The following ZDHHC14 variants were observed in gnomAD, a reference collection of about 807,000 sequenced individuals.
ZDHHC14 encodes the protein zDHHC palmitoyltransferase 14, also known as palmitoyltransferase ZDHHC14.
ZDHHC14 carries 16 observed loss-of-function variants against 47.7 expected under a neutral mutation model. The ratio of observed to expected loss-of-function variants is 0.34; its 90% CI spans 0.23 to 0.51. ZDHHC14 has a LOEUF of 0.51. ZDHHC14 is among the 20% of genes least tolerant of loss of function. ZDHHC14 has a pLI of 0.97. For synonymous variants in ZDHHC14, 293 were observed against 278.9 expected (o/e 1.05, Z -0.50); for missense variants, 515 against 662.5 (o/e 0.78, Z 2.44).
At chr6:157,573,965 G>GA (rs1783201461) in intron 2 of ZDHHC14, among the ~76,000 whole-genome samples, 1 of 151,866 alleles carries the variant, frequency 6.6e-6, no homozygotes, top group Non-Finnish European at 1.5e-5. Flanking sequence ...CGGGGTCGGG[G>GA]GGGAAGTTCT....
intron 5 of ZDHHC14, among the ~76,000 whole-genome samples, chr6:157,639,412 C>T (rs372886556): frequency 1.5e-4 from 23 of 152,216 alleles, no homozygotes; most frequent in African/African-American, 4.8e-4. Flanking sequence ...GCAAGCTATT[C>T]TCCTGCCTCT....
intron 2 of ZDHHC14, among the ~76,000 whole-genome samples, chr6:157,569,648 A>AC (rs1783026988): frequency 6.6e-6 from 1 of 152,170 alleles, no homozygotes; most frequent in Non-Finnish European, 1.5e-5. Context: ...AGATGTATAA[A>AC]GTAAGTTGGG....
chr6:157,471,244 G>A (rs1323568711), intron 1 of ZDHHC14, among the ~76,000 whole-genome samples: 2 of 152,228 alleles, frequency 1.3e-5, no homozygotes, highest in African/African-American at 4.8e-5. Flanking sequence ...TGCTCTCCCC[G>A]CAGAGTGCGC....
chr6:157,462,505 T>C (rs1172822362), intron 1 of ZDHHC14, among the ~76,000 whole-genome samples: 1 of 152,240 alleles, frequency 6.6e-6, no homozygotes, highest in African/African-American at 2.4e-5. Context: ...AAAAAAGTAG[T>C]GCAGTGCCTT....
intron 2 of ZDHHC14, among the ~76,000 whole-genome samples, chr6:157,571,507 G>T (rs1356792694): frequency 6.6e-6 from 1 of 152,190 alleles, no homozygotes; most frequent in African/African-American, 2.4e-5. Flanking sequence ...GTTTTACTGG[G>T]CAGACCTTCC....
chr6:157,427,281 C>T lies in ZDHHC14; in HGVS notation c.245+45015C>T, dbSNP rs1778242011. ...AGCCAGTGTGATGGTTGATTTTAAA[C>T]ATAATACAGCAAGTGGGCAGAGATG... On this transcript the variant is annotated intron_variant, in intron 1 of 8. Transcript: ENST00000359775. This position sits in a 1 kb window ranked among gnomAD's most constrained non-coding sequence, Gnocchi z 4.4. Among the ~76,000 whole-genome samples, 1 of 152,122 alleles carries T rather than the reference C, an allele frequency of 6.6e-6. No homozygotes were observed. Among genetic ancestry groups the T allele is most frequent in the Non-Finnish European group, 1.5e-5 (1 of 68,022 alleles).
intron 2 of ZDHHC14, among the ~76,000 whole-genome samples, chr6:157,570,780 TACACACACACACAC>T (rs199785514): frequency 8.7e-5 from 13 of 150,162 alleles, no homozygotes; most frequent in South Asian, 2.1e-4. Context: ...CATATATATA[TACACACACACACAC>T]ATATATATAC....
At chr6:157,504,708 G>C (rs1310919114) in intron 1 of ZDHHC14, among the ~76,000 whole-genome samples, 2 of 152,132 alleles carry the variant, frequency 1.3e-5, no homozygotes, top group Non-Finnish European at 1.5e-5. Flanking sequence ...ACCGCGCCCG[G>C]CCTGCATGGG....
rs750975822 is a variant in ZDHHC14 at position 157,458,849 on chromosome 6, A to ATTTTTTTTTTTTTTTTTTTTTT, written c.245+76584_245+76605dup. ...TACAGGTACTAGCAAATGTGGGTGG[A>ATTTTTTTTTTTTTTTTTTTTTT]TTTTTTTTTTTTTTTTTTTTTTGAG... On this transcript the variant is annotated intron_variant, in intron 1 of 8. Transcript: ENST00000359775. Among the ~76,000 whole-genome samples the ATTTTTTTTTTTTTTTTTTTTTT allele has an allele frequency of 4.6e-3, 376 of 81,196 alleles. 63 individuals carry two copies. Among genetic ancestry groups the ATTTTTTTTTTTTTTTTTTTTTT allele is most frequent in the East Asian group, 9.2e-3 (20 of 2,178 alleles). The allele number at this position is 81,196 out of a possible 152,430, so 53.3% of individuals were successfully genotyped here.
At chr6:157,541,969 T>G (rs1350523215) in intron 1 of ZDHHC14, among the ~76,000 whole-genome samples, 1 of 152,224 alleles carries the variant, frequency 6.6e-6, no homozygotes, top group Admixed American at 6.5e-5. Flanking sequence ...TTCCAGCTGC[T>G]GAAATCCCTT....
At chr6:157,484,652 A>C (rs1779734741) in intron 1 of ZDHHC14, among the ~76,000 whole-genome samples, 1 of 151,524 alleles carries the variant, frequency 6.6e-6, no homozygotes, top group Non-Finnish European at 1.5e-5. Flanking sequence ...GCAATCAAAA[A>C]TTTTTCCAGC....
intron 1 of ZDHHC14, among the ~76,000 whole-genome samples, chr6:157,401,481 C>A (rs1238022278): frequency 6.6e-6 from 1 of 152,192 alleles, no homozygotes; most frequent in Non-Finnish European, 1.5e-5. Context: ...GAGATGCGCA[C>A]CTGCTGAGGT....
At chr6:157,443,503 G>A (rs551614657) in intron 1 of ZDHHC14, among the ~76,000 whole-genome samples, 45 of 152,256 alleles carry the variant, frequency 3.0e-4, no homozygotes, top group African/African-American at 9.6e-4. Context: ...AGCACCGTGA[G>A]CTATGAAGAA....
intron 5 of ZDHHC14, among the ~76,000 whole-genome samples, chr6:157,642,293 G>A (rs940609303): frequency 3.3e-5 from 5 of 152,048 alleles, no homozygotes; most frequent in African/African-American, 1.2e-4. Flanking sequence ...CTTCCCTTAC[G>A]TACCTTCCTG....
chr6:157,572,472 GA>G (rs1783136399), intron 2 of ZDHHC14, among the ~76,000 whole-genome samples: 1 of 152,148 alleles, frequency 6.6e-6, no homozygotes, highest in African/African-American at 2.4e-5. Flanking sequence ...GCCACAATAA[GA>G]AAGAGGACTA....
chr6:157,583,467 T>C (rs143381800), intron 2 of ZDHHC14, among the ~76,000 whole-genome samples: 4 of 152,234 alleles, frequency 2.6e-5, no homozygotes, highest in Non-Finnish European at 5.9e-5. Context: ...TGGTTTCGCA[T>C]GGGGAGTATA....
At chr6:157,469,818 G>A (rs531589944) in intron 1 of ZDHHC14, among the ~76,000 whole-genome samples, 40 of 152,346 alleles carry the variant, frequency 2.6e-4, no homozygotes, top group Non-Finnish European at 5.3e-4. Flanking sequence ...CGGAAGTGGA[G>A]CAGAGCCGGA....
Position 157,463,562 on chromosome 6 carries a change from T to G in ZDHHC14, c.246-79023T>G, listed in dbSNP as rs1169150382. Among the ~76,000 whole-genome samples the G allele has an allele frequency of 6.6e-6, 1 of 152,148 alleles. No homozygotes were observed. Among genetic ancestry groups the G allele is most frequent in the East Asian group, 1.9e-4 (1 of 5,202 alleles). On this transcript the variant is annotated intron_variant, in intron 1 of 8. Transcript: ENST00000359775. This position sits in a 1 kb window ranked among gnomAD's most constrained non-coding sequence, Gnocchi z 4.4. ...TACAGGAAGAATCATCAGAAAGGAA[T>G]GTAAGACAGCAGCTCCATCCAGTAT...
intron 2 of ZDHHC14, among the ~76,000 whole-genome samples, chr6:157,566,795 G>T (rs150251361): frequency 0.041 from 6,301 of 151,840 alleles, 438 homozygotes; most frequent in African/African-American, 0.14. Flanking sequence ...GTGTTTGGTT[G>T]CTTGAGGGGG....
Sources: gnomAD v4.1 joint callset for allele counts (sites outside exome capture counted in the v4.1 genomes callset) on GRCh38, gnomAD v4.1.1 for gene constraint, Gnocchi (gnomAD v3.1) non-coding constraint, MANE v1.5 for transcripts, NCBI Gene and HGNC (gene_info 2026-07-23, HGNC 2026-07-21) for gene names.